GDF7: variants seen among roughly 807,000 people sequenced by gnomAD.
GDF7 encodes growth/differentiation factor 7.
A neutral mutation model predicts 13.4 loss-of-function variants in GDF7; 12 were observed. The observed-to-expected ratio is 0.90, with a 90% CI of 0.57 to 1.45. The LOEUF is 1.45. Ranked by LOEUF, GDF7 falls within the 40% of genes most tolerant of loss-of-function variation. The pLI is 0.00. For synonymous variants in GDF7, 330 were observed against 306.4 expected (o/e 1.08, Z -0.80); for missense variants, 651 against 652.4 (o/e 1.00, Z 0.02).
At position 20,672,629 on chromosome 2, in the gene GDF7, T is replaced by C. The variant is rs559680105; in HGVS notation, c.*1204T>C. The C allele has an allele frequency of 3.3e-5, 5 of 152,370 alleles. No individual in the cohort carries two copies. In the East Asian group the frequency reaches 9.6e-4, roughly 29 times the overall value. 9.4% of individuals were successfully genotyped at this position (152,370 alleles called of 1,614,324 possible). Reference sequence around the variant, plus strand: ...AACGGGAAGTGAAGCCACTCAAAAATGCTTTTGTCAGACTTCAACTCACAA... The same window carrying C: ...AACGGGAAGTGAAGCCACTCAAAAACGCTTTTGTCAGACTTCAACTCACAA... On this transcript the variant is annotated 3_prime_UTR_variant, in exon 2 of 2. Coordinates refer to ENST00000272224, the MANE Select transcript of GDF7 (RefSeq NM_182828.4).
At position 20,667,373 on chromosome 2, in the gene GDF7, G is replaced by GCGGCGA; in HGVS notation, c.139_140insACGGCG (p.Gly46_Gly47insAspGly). On this transcript the variant is annotated inframe_insertion, in exon 1 of 2. Transcript: ENST00000272224. This position sits in a 1 kb window ranked among gnomAD's most constrained non-coding sequence, Gnocchi z 6.4. The stretch of plus-strand genomic sequence containing the variant: ...GTCCGGAGCCCAGGGGGCGGCGGCG[G>GCGGCGA]CGGCGGCGGCGGCGGGCGGACTCTT... 1 of 958,086 alleles carries GCGGCGA rather than the reference G, an allele frequency of 1.0e-6. No homozygotes were observed. The highest frequency in any genetic ancestry group is 1.2e-6 in the Non-Finnish European group (1 of 808,026). The allele number at this position is 958,086 out of a possible 1,614,324, so 59.3% of individuals were successfully genotyped here.
chr2:20,675,308 C>G lies in GDF7; in HGVS notation c.*3883C>G, dbSNP rs1455967170. 1 of 152,306 alleles carries G rather than the reference C, an allele frequency of 6.6e-6. No individual in the cohort carries two copies. The highest frequency in any genetic ancestry group is 1.5e-5 in the Non-Finnish European group (1 of 68,100). 9.4% of individuals were successfully genotyped at this position (152,306 alleles called of 1,614,324 possible). On this transcript the variant is annotated 3_prime_UTR_variant, in exon 2 of 2. Transcript: ENST00000272224. ...CAGAGGGAGTTTGGGCCTGCGCTTA[C>G]CCCTCAGAAAGTGTCTGGATTGGGA...
Position 20,676,085 on chromosome 2 carries a change from TC to T in GDF7, c.*4661del, listed in dbSNP as rs11303438. On this transcript the variant is annotated 3_prime_UTR_variant, in exon 2 of 2. Coordinates refer to ENST00000272224, the MANE Select transcript of GDF7 (RefSeq NM_182828.4). The stretch of plus-strand genomic sequence containing the variant: ...TAAAGGCAAGGCTGTGCCTGGTTGG[TC>T]ACCCAAACGGGGGCCTGGGACTGTC... The T allele has an allele frequency of 0.75, 113,938 of 152,372 alleles. 43,873 individuals are homozygous for T. The highest frequency in any genetic ancestry group is 0.92 in the East Asian group (4,751 of 5,146). The allele number at this position is 152,372 out of a possible 1,614,324, so 9.4% of individuals were successfully genotyped here.
Position 20,672,119 on chromosome 2 carries a change from C to A in GDF7, c.*694C>A, listed in dbSNP as rs1344239264. On this transcript the variant is annotated 3_prime_UTR_variant, in exon 2 of 2. Transcript: ENST00000272224. ...GGTCGGTACCGCCACCCCCCCCCCCCCCCCCGCCTTTTTTTTTTTTTTTTT... is the reference window on the plus strand; with the variant it reads ...GGTCGGTACCGCCACCCCCCCCCCCACCCCCGCCTTTTTTTTTTTTTTTTT... The A allele has an allele frequency of 6.9e-5, 9 of 131,270 alleles. No homozygotes were observed. The highest frequency in any genetic ancestry group is 1.5e-4 in the Admixed American group (2 of 13,300). The allele number at this position is 131,270 out of a possible 1,614,324, so 8.1% of individuals were successfully genotyped here.
chr2:20,673,620 A>G lies in GDF7; in HGVS notation c.*2195A>G, dbSNP rs1572381472. ...TCTTTGGATAAAAGCAAACATTTTG[A>G]TACTTTTTTAGTGACTAGTAAAAAC... On this transcript the variant is annotated 3_prime_UTR_variant, in exon 2 of 2. Transcript: ENST00000272224. 2 of 152,364 alleles carry G rather than the reference A, an allele frequency of 1.3e-5. No individual in the cohort carries two copies. The highest frequency in any genetic ancestry group is 4.8e-5 in the African/African-American group (2 of 41,588). The allele number at this position is 152,364 out of a possible 1,614,324, so 9.4% of individuals were successfully genotyped here. A position where few individuals can be genotyped will look rare whatever the true frequency, so the allele number is the denominator to read the frequency against.
chr2:20,670,510 C>A lies in GDF7; in HGVS notation c.438C>A (p.Ser146=). ...GCCAGAGCTTCCTGTTCGACGTGTCCAGCCTTAACGACGCAGACGAGGTGG... is the reference window on the plus strand; with the variant it reads ...GCCAGAGCTTCCTGTTCGACGTGTCAAGCCTTAACGACGCAGACGAGGTGG... ...ETGQSFLFDV[S]SLNDADEVVG... The change falls in exon 2 of 2, where the codon TCC becomes TCA. Residue 146 remains serine, a synonymous_variant. Transcript: ENST00000272224. 1 of 1,591,830 alleles carries A rather than the reference C, an allele frequency of 6.3e-7. No individual in the cohort carries two copies. The highest frequency in any genetic ancestry group is 1.1e-5 in the South Asian group (1 of 87,562).
At position 20,667,661 on chromosome 2, in the gene GDF7, C is replaced by T. The variant is rs370855177; in HGVS notation, c.391+31C>T. On this transcript the variant is annotated intron_variant, in intron 1 of 1. Transcript: ENST00000272224. The surrounding 1 kb of genome is among the most constrained non-coding windows in gnomAD (Gnocchi z 6.4). ...TACGCCTCTTCTGTGCCCGCCCATC[C>T]CGTCAGGTCCTGGGCTGAGACCAGC... is the stretch of plus-strand genomic sequence containing the variant. The T allele has an allele frequency of 6.6e-5, 91 of 1,372,698 alleles. 2 individuals are homozygous for T. The East Asian group carries it at 9.4e-4, about 14-fold the overall frequency. The allele number at this position is 1,372,698 out of a possible 1,614,324, so 85.0% of individuals were successfully genotyped here. A position where few individuals can be genotyped will look rare whatever the true frequency, so the allele number is the denominator to read the frequency against.
chr2:20,671,997 T>C lies in GDF7; in HGVS notation c.*572T>C, dbSNP rs1484958325. ...AACTGCTGCAAAAAGCATCTTTCTT[T>C]TTTTAACTTTTAAAATTTAACGTGC... is the stretch of plus-strand genomic sequence containing the variant. On this transcript the variant is annotated 3_prime_UTR_variant, in exon 2 of 2. Coordinates refer to ENST00000272224, the MANE Select transcript of GDF7 (RefSeq NM_182828.4). 1 of 138,740 alleles carries C rather than the reference T, an allele frequency of 7.2e-6. No individual in the cohort carries two copies. Among genetic ancestry groups the C allele is most frequent in the Non-Finnish European group, 1.7e-5 (1 of 58,158 alleles). The allele number at this position is 138,740 out of a possible 1,614,324, so 8.6% of individuals were successfully genotyped here. A position where few individuals can be genotyped will look rare whatever the true frequency, so the allele number is the denominator to read the frequency against.
Position 20,672,111 on chromosome 2 carries a change from C to G in GDF7, c.*686C>G, listed in dbSNP as rs1311455866. 0.014 allele frequency: 2 copies of G among 142 alleles called. No individual in the cohort carries two copies. The highest frequency in any genetic ancestry group is 0.12 in the South Asian group (2 of 16). The allele number at this position is 142 out of a possible 1,614,324, so 0.0% of individuals were successfully genotyped here. On this transcript the variant is annotated 3_prime_UTR_variant, in exon 2 of 2. Coordinates refer to ENST00000272224, the MANE Select transcript of GDF7 (RefSeq NM_182828.4). ...TCTGCAAAGGTCGGTACCGCCACCCCCCCCCCCCCCCCCGCCTTTTTTTTT... is the reference window on the plus strand; with the variant it reads ...TCTGCAAAGGTCGGTACCGCCACCCGCCCCCCCCCCCCCGCCTTTTTTTTT...
rs1208210383 is a variant in GDF7, at chr2:20,671,452, C to T, written c.*27C>T. The T allele has an allele frequency of 3.8e-6, 6 of 1,597,398 alleles. No homozygotes were observed. The East Asian group carries it at 6.7e-5, about 18-fold the overall frequency. On this transcript the variant is annotated 3_prime_UTR_variant, in exon 2 of 2. Coordinates refer to ENST00000272224, the MANE Select transcript of GDF7 (RefSeq NM_182828.4). The stretch of plus-strand genomic sequence containing the variant: ...GCGAGGGCCGGGGAGGGGGCAGCCA[C>T]GCGGCCGAGGATCCCCAGCTGATGA...
Position 20,671,562 on chromosome 2 carries a change from C to A in GDF7, c.*137C>A. Reference sequence around the variant, plus strand: ...TCTCAGAGGAGGGAGAGCACACGTTCACACTCACACACACTCGTGCAGTCA... The same window carrying A: ...TCTCAGAGGAGGGAGAGCACACGTTAACACTCACACACACTCGTGCAGTCA... On this transcript the variant is annotated 3_prime_UTR_variant, in exon 2 of 2. Coordinates refer to ENST00000272224, the MANE Select transcript of GDF7 (RefSeq NM_182828.4). 1 of 775,890 alleles carries A rather than the reference C, an allele frequency of 1.3e-6. No individual in the cohort carries two copies. Among genetic ancestry groups the A allele is most frequent in the Non-Finnish European group, 2.0e-6 (1 of 488,674 alleles). The allele number at this position is 775,890 out of a possible 1,614,324, so 48.1% of individuals were successfully genotyped here. A position where few individuals can be genotyped will look rare whatever the true frequency, so the allele number is the denominator to read the frequency against.
At position 20,671,589 on chromosome 2, in the gene GDF7, G is replaced by A. The variant is rs148788129; in HGVS notation, c.*164G>A. 4 of 682,688 alleles carry A rather than the reference G, an allele frequency of 5.9e-6. No homozygotes were observed. Among genetic ancestry groups the A allele is most frequent in the Non-Finnish European group, 7.3e-6 (3 of 411,348 alleles). 42.3% of individuals were successfully genotyped at this position (682,688 alleles called of 1,614,324 possible). A position where few individuals can be genotyped will look rare whatever the true frequency, so the allele number is the denominator to read the frequency against. Reference sequence around the variant, plus strand: ...CACTCACACACACTCGTGCAGTCACGCACACATTTACCGGGGACAGCATGT... The same window carrying A: ...CACTCACACACACTCGTGCAGTCACACACACATTTACCGGGGACAGCATGT... On this transcript the variant is annotated 3_prime_UTR_variant, in exon 2 of 2. Coordinates refer to ENST00000272224, the MANE Select transcript of GDF7 (RefSeq NM_182828.4).
intron 1 of GDF7, 118 bp from the exon 2 acceptor site, chr2:20,670,346 G>C (rs963824874): frequency 1.7e-6 from 2 of 1,151,456 alleles, no homozygotes; most frequent in Non-Finnish European, 2.3e-6. Flanking sequence ...GCTCCAACAG[G>C]CCTGGCTCCC....
chr2:20,676,439 A>G lies in GDF7; in HGVS notation c.*5014A>G, dbSNP rs924859565. 24 of 152,226 alleles carry G rather than the reference A, an allele frequency of 1.6e-4. No individual in the cohort carries two copies. Among genetic ancestry groups the G allele is most frequent in the African/African-American group, 5.5e-4 (23 of 41,454 alleles). The allele number at this position is 152,226 out of a possible 1,614,324, so 9.4% of individuals were successfully genotyped here. On this transcript the variant is annotated 3_prime_UTR_variant, in exon 2 of 2. Transcript: ENST00000272224. ...TCCCTCTGTGCTGTTCTGGACTTTA[A>G]TCTGTGTGCACAGCTTAGTGCGTCA...
Position 20,670,959 on chromosome 2 carries a change from C to T in GDF7, c.887C>T (p.Ala296Val). 1 of 1,564,048 alleles carries T rather than the reference C, an allele frequency of 6.4e-7. No individual in the cohort carries two copies. Among genetic ancestry groups the T allele is most frequent in the East Asian group, 2.4e-5 (1 of 41,612 alleles). Residue 296 changes from alanine (A) to valine (V), a missense_variant, in exon 2 of 2, where the codon GCC becomes GTC. Coordinates refer to ENST00000272224, the MANE Select transcript of GDF7 (RefSeq NM_182828.4). The stretch of plus-strand genomic sequence containing the variant: ...GCCCGCGCGCTCGGGGCCGCTCTGG[C>T]CTCAGAGCCGCTGCCCGACCCAGGA... ...AQARALGAALASEPLPDPGTG... is the reference protein window; with the variant it reads ...AQARALGAALVSEPLPDPGTG...
rs1662159162 is a variant in GDF7, at chr2:20,673,124, G to A, written c.*1699G>A. On this transcript the variant is annotated 3_prime_UTR_variant, in exon 2 of 2. Coordinates refer to ENST00000272224, the MANE Select transcript of GDF7 (RefSeq NM_182828.4). Reference sequence around the variant, plus strand: ...TTACACTCTTGAGAGAGAGAAGACAGACTTACGATTTAGATACAGCTAATT... The same window carrying A: ...TTACACTCTTGAGAGAGAGAAGACAAACTTACGATTTAGATACAGCTAATT... 6.6e-6 allele frequency: 1 copy of A among 152,052 alleles called. No individual in the cohort carries two copies. Among genetic ancestry groups the A allele is most frequent in the South Asian group, 2.1e-4 (1 of 4,830 alleles). 9.4% of individuals were successfully genotyped at this position (152,052 alleles called of 1,614,324 possible).
At position 20,673,262 on chromosome 2, in the gene GDF7, T is replaced by C. The variant is rs1193404083; in HGVS notation, c.*1837T>C. ...TAAGATTCCCCCCTTCCTCCTATTA[T>C]GTGAATTTATATTCTGTGGCTGTAT... On this transcript the variant is annotated 3_prime_UTR_variant, in exon 2 of 2. Transcript: ENST00000272224. 6.6e-6 allele frequency: 1 copy of C among 152,190 alleles called. No individual in the cohort carries two copies. The highest frequency in any genetic ancestry group is 1.5e-5 in the Non-Finnish European group (1 of 68,034). 9.4% of individuals were successfully genotyped at this position (152,190 alleles called of 1,614,324 possible).
In GDF7 at chr2:20,671,293, A is replaced by G. The variant is rs768507068; in HGVS notation, c.1221A>G (p.Pro407=). ...AGACGCTGCTCAACTCCATGGCACCAGACGCGGCGCCGGCCTCCTGCTGTG... is the reference window on the plus strand; with the variant it reads ...AGACGCTGCTCAACTCCATGGCACCGGACGCGGCGCCGGCCTCCTGCTGTG... The part of the protein sequence containing the change: ...IIQTLLNSMA[P]DAAPASCCVP... The change falls in exon 2 of 2, where the codon CCA becomes CCG. Residue 407 remains proline (P), a synonymous_variant. Coordinates refer to ENST00000272224, the MANE Select transcript of GDF7 (RefSeq NM_182828.4). 2 of 1,613,702 alleles carry G rather than the reference A, an allele frequency of 1.2e-6. No individual in the cohort carries two copies. Among genetic ancestry groups the G allele is most frequent in the African/African-American group, 1.3e-5 (1 of 74,938 alleles).
Position 20,674,467 on chromosome 2 carries a change from G to A in GDF7, c.*3042G>A, listed in dbSNP as rs560359553. On this transcript the variant is annotated 3_prime_UTR_variant, in exon 2 of 2. Transcript: ENST00000272224. ...CGGGACAGGCCAGCTGGGGCCCAAC[G>A]GGGGCTGGTGCTGGGTCTGTCAAAC... 3.8e-4 allele frequency: 58 copies of A among 152,358 alleles called. No individual in the cohort carries two copies. Among genetic ancestry groups the A allele is most frequent in the African/African-American group, 1.4e-3 (57 of 41,578 alleles). The allele number at this position is 152,358 out of a possible 1,614,324, so 9.4% of individuals were successfully genotyped here. A position where few individuals can be genotyped will look rare whatever the true frequency, so the allele number is the denominator to read the frequency against.
Sources: gnomAD v4.1 joint callset for allele counts on GRCh38, gnomAD v4.1.1 for gene constraint, Gnocchi (gnomAD v3.1) non-coding constraint, MANE v1.5 for transcripts, NCBI Gene and HGNC (gene_info 2026-07-23, HGNC 2026-07-21) for gene names.